The following C1QTNF12 variants were observed in gnomAD, a reference collection of about 807,000 sequenced individuals.
C1QTNF12 encodes the protein C1q and TNF related 12.
Under a neutral mutation model 34.3 loss-of-function variants are expected in C1QTNF12, and 39 were observed. The observed-to-expected ratio is 1.14, with a 90% CI of 0.88 to 1.49. C1QTNF12 has a LOEUF of 1.49. Among genes scored for constraint, C1QTNF12 ranks in the 40% most tolerant of loss-of-function variants. The probability of loss-of-function intolerance (pLI) is 0.00; values close to 1 mark genes in which losing one functional copy is unlikely to be tolerated. For missense variants in C1QTNF12, 497 were observed against 424.7 expected, an observed-to-expected ratio of 1.17 and a Z score of -1.50; for synonymous variants, 220 against 196.9, an observed-to-expected ratio of 1.12 and a Z score of -0.98.
At chr1:1,244,739 C>T in intron 1 of C1QTNF12, 1 of 456,912 alleles carries the variant, frequency 2.2e-6, no homozygotes, top group Non-Finnish European at 3.9e-6. Flanking sequence ...TCCTCCCCCA[C>T]TCCTCCCCCT....
In C1QTNF12 at chr1:1,244,488, C is replaced by T. The variant is rs1159962261; in HGVS notation, c.187G>A (p.Ala63Thr). ...GLPEAPKPSQ[A>T]SGPEFSDAHM... ...GCGTCGGAGAACTCAGGTCCTGAGG[C>T]CTGGGATGGCTGAAGGGACGGGACG... Residue 63 changes from alanine to threonine, a missense_variant, in exon 2 of 8, where the codon GCC (alanine) becomes ACC (threonine). Transcript: ENST00000330388. 1.2e-6 allele frequency: 2 copies of T among 1,610,864 alleles called. No homozygotes were observed. Among genetic ancestry groups the T allele is most frequent in the South Asian group, 1.1e-5 (1 of 91,066 alleles).
intron 5 of C1QTNF12, 74 bp from the exon 6 acceptor site, chr1:1,243,226 C>A (rs562113623): frequency 1.8e-6 from 2 of 1,083,616 alleles, no homozygotes; most frequent in South Asian, 3.0e-5. Flanking sequence ...CTTCAGGGCA[C>A]ACATCCCAGG....
intron 5 of C1QTNF12, 85 bp downstream of exon 5, chr1:1,243,359 C>T (rs1638792393): frequency 7.6e-7 from 1 of 1,312,054 alleles, no homozygotes; most frequent in Non-Finnish European, 1.1e-6. Context: ...ACAGGACCCG[C>T]ACCCGGGGCC....
In C1QTNF12 at chr1:1,244,453, T is replaced by C. The variant is rs749276715; in HGVS notation, c.222A>G (p.Thr74=). The change falls in exon 2 of 8, where the codon ACA becomes ACG. Residue 74 remains threonine (T), a synonymous_variant. Coordinates refer to ENST00000330388, the MANE Select transcript of C1QTNF12 (RefSeq NM_001014980.3). ...SGPEFSDAHM[T]WLNFVRRPDD... Reference sequence around the variant, plus strand: ...CCGGCCGCCGGACAAAGTTCAGCCATGTCATGTGGGCGTCGGAGAACTCAG... The same window carrying C: ...CCGGCCGCCGGACAAAGTTCAGCCACGTCATGTGGGCGTCGGAGAACTCAG... 8.1e-6 allele frequency: 13 copies of C among 1,611,708 alleles called. No homozygotes were observed. Among genetic ancestry groups the C allele is most frequent in the Admixed American group, 1.7e-5 (1 of 59,958 alleles).
chr1:1,246,620 C>T lies in C1QTNF12; in HGVS notation c.71G>A (p.Gly24Glu). 1 of 1,244,202 alleles carries T rather than the reference C, an allele frequency of 8.0e-7. No homozygotes were observed. The highest frequency in any genetic ancestry group is 1.0e-6 in the Non-Finnish European group (1 of 994,586). 77.1% of individuals were successfully genotyped at this position (1,244,202 alleles called of 1,614,324 possible). ...GPQLVLLGGVGARREAQRTQQ... is the reference protein window; with the variant it reads ...GPQLVLLGGVEARREAQRTQQ... ...CGTCCTCTGTGCCTCCCGCCGGGCC[C>T]CGACGCCCCCGAGGAGCACGAGCTG... Residue 24 changes from glycine (G) to glutamate (E), a missense_variant, in exon 1 of 8, where the codon GGG (glycine) becomes GAG (glutamate). By Grantham distance (98) the Gly-to-Glu change is moderately conservative. Coordinates refer to ENST00000330388, the MANE Select transcript of C1QTNF12 (RefSeq NM_001014980.3). The surrounding 1 kb of genome is among the most constrained non-coding windows in gnomAD (Gnocchi z 4.5).
chr1:1,245,741 C>T (rs1638877240), intron 1 of C1QTNF12, among the ~76,000 whole-genome samples: 1 of 152,212 alleles, frequency 6.6e-6, no homozygotes, highest in South Asian at 2.1e-4. Context: ...CGGGCTCCAG[C>T]GGGGCCGCGT....
intron 4 of C1QTNF12, 95 bp from the exon 5 acceptor site, chr1:1,243,647 C>T: frequency 9.6e-7 from 1 of 1,039,310 alleles, no homozygotes; most frequent in Non-Finnish European, 1.4e-6. Flanking sequence ...CAGCCCCTCA[C>T]TCGGAGCAGC....
At chr1:1,245,688 G>A (rs527922373) in intron 1 of C1QTNF12, among the ~76,000 whole-genome samples, 6 of 152,272 alleles carry the variant, frequency 3.9e-5, no homozygotes, top group South Asian at 2.1e-4. Context: ...GCAGAGCCGC[G>A]GCCTCAACCC....
chr1:1,242,693 C>T (rs900644774), intron 7 of C1QTNF12, 47 bp from the exon 8 acceptor site: 14 of 1,566,728 alleles, frequency 8.9e-6, no homozygotes, highest in Non-Finnish European at 1.2e-5. Flanking sequence ...AGCCCAGCCA[C>T]TCGGTGGCCA....
Position 1,242,835 on chromosome 1 carries a change from C to G in C1QTNF12, c.810G>C (p.Gln270His), listed in dbSNP as rs142136905. ...TLQVQGLLQL[Q>H]AGQYASVFVD... is the part of the protein sequence containing the mutation. ...CCGCTCACACCCGGCCCGGACTCAC[C>G]TGCAGCTGCAGCAGCCCCTGCACCT... The change falls in exon 7 of 8, where the codon CAG becomes CAC. Residue 270 changes from glutamine to histidine, a missense_variant and splice_region_variant. Physicochemically the swap from Gln to His is conservative, Grantham distance 24. Coordinates refer to ENST00000330388, the MANE Select transcript of C1QTNF12 (RefSeq NM_001014980.3). The G allele has an allele frequency of 6.8e-6, 11 of 1,612,198 alleles. No individual in the cohort carries two copies. The East Asian group carries it at 2.5e-4, about 36-fold the overall frequency.
rs747718076 is a variant in C1QTNF12, at chr1:1,243,109, G to C, written c.684C>G (p.Asp228Glu). Residue 228 changes from aspartate to glutamate, a missense_variant, in exon 6 of 8, where the codon GAC becomes GAG. By Grantham distance (45) the Asp-to-Glu change is conservative. Coordinates refer to ENST00000330388, the MANE Select transcript of C1QTNF12 (RefSeq NM_001014980.3). ...CAATACAGATGAGAACACACACCAC[G>C]TCCCGGGCCCGCAGCCGGGCCTTGC... ...LQGKARLRAR[D>E]VVCVLICIES... The C allele has an allele frequency of 1.3e-6, 2 of 1,589,006 alleles. No individual in the cohort carries two copies. Among genetic ancestry groups the C allele is most frequent in the South Asian group, 2.3e-5 (2 of 87,654 alleles).
intron 6 of C1QTNF12, 55 bp downstream of exon 6, chr1:1,243,007 C>T (rs1570508963): frequency 1.9e-6 from 3 of 1,556,336 alleles, no homozygotes; most frequent in East Asian, 4.8e-5. Context: ...GCCTGTGAGC[C>T]CCTCCAAGGG....
chr1:1,244,131 C>A, intron 3 of C1QTNF12, 26 bp from the exon 4 acceptor site: 1 of 1,562,646 alleles, frequency 6.4e-7, no homozygotes, highest in Non-Finnish European at 8.7e-7. Context: ...CACAGGCGGC[C>A]AGCAGGGTCA....
intron 4 of C1QTNF12, 107 bp downstream of exon 4, chr1:1,243,847 G>GCCCCCCA: frequency 1.5e-6 from 1 of 684,200 alleles, no homozygotes; most frequent in Non-Finnish European, 2.3e-6. Flanking sequence ...CCCGCCCCCA[G>GCCCCCCA]CCCCCAACCC....
upstream of C1QTNF12, chr1:1,246,729 C>T: frequency 1.7e-6 from 2 of 1,211,372 alleles, no homozygotes; most frequent in Non-Finnish European, 1.0e-6. The surrounding 1 kb of genome is among the most constrained non-coding windows in gnomAD (Gnocchi z 4.5). Flanking sequence ...CGAGTCTCGG[C>T]GCCAGGGCGC....
At chr1:1,243,850 C>T (rs1638806662) in intron 4 of C1QTNF12, 104 bp downstream of exon 4, 1 of 1,431,330 alleles carries the variant, frequency 7.0e-7, no homozygotes, top group Non-Finnish European at 9.4e-7. Flanking sequence ...GCCCCCAGCC[C>T]CCAACCCACA....
chr1:1,243,880 G>C, intron 4 of C1QTNF12, 74 bp downstream of exon 4: 1 of 1,498,712 alleles, frequency 6.7e-7, no homozygotes, highest in South Asian at 1.2e-5. Flanking sequence ...ATGAGTGTCA[G>C]GCGGTGTGTG....
intron 7 of C1QTNF12, 73 bp downstream of exon 7, chr1:1,242,762 A>T: frequency 6.3e-7 from 1 of 1,576,224 alleles, no homozygotes; most frequent in East Asian, 2.3e-5. Context: ...CTGCGCCCTG[A>T]GTGCACCGAG....
At position 1,246,692 on chromosome 1, in the gene C1QTNF12, G is replaced by C. The variant is rs936027880; in HGVS notation, c.-2C>G. On this transcript the variant is annotated 5_prime_UTR_variant, in exon 1 of 8. Coordinates refer to ENST00000330388, the MANE Select transcript of C1QTNF12 (RefSeq NM_001014980.3). The surrounding 1 kb of genome is among the most constrained non-coding windows in gnomAD (Gnocchi z 4.5). The stretch of plus-strand genomic sequence containing the variant: ...CGCGGCCCAGGCCCAGCGCCGCATG[G>C]CTCCGTCCCGAGGCGGCTCAGCGCG... 1 of 1,222,132 alleles carries C rather than the reference G, an allele frequency of 8.2e-7. No individual in the cohort carries two copies. 75.7% of individuals were successfully genotyped at this position (1,222,132 alleles called of 1,614,324 possible).
Sources: allele counts gnomAD v4.1 joint callset (sites outside exome capture counted in the v4.1 genomes callset), GRCh38; gene constraint gnomAD v4.1.1; non-coding constraint Gnocchi (gnomAD v3.1); transcripts MANE v1.5; gene names NCBI Gene and HGNC (gene_info 2026-07-23, HGNC 2026-07-21).